The following VBP1 variants were observed in gnomAD, a reference collection of about 807,000 sequenced individuals.
The protein encoded by VBP1 is prefoldin subunit 3.
Under a neutral mutation model 15.5 loss-of-function variants are expected in VBP1, and 4 were observed. The ratio of observed to expected loss-of-function variants is 0.26; its 90% CI spans 0.13 to 0.59. The LOEUF is 0.59. Ranked by LOEUF, VBP1 falls within the 20% of genes least tolerant of loss-of-function variation. VBP1 has a pLI of 0.90. For missense variants in VBP1, 108 were observed against 139.6 expected, an observed-to-expected ratio of 0.77 and a Z score of 1.14; for synonymous variants, 61 against 52.1, an observed-to-expected ratio of 1.17 and a Z score of -0.74.
At chrX:155,221,298 C>T (rs2074688491) in intron 2 of VBP1, among the ~76,000 whole-genome samples, 1 of 110,843 alleles carries the variant, frequency 9.0e-6, no homozygotes, top group Admixed American at 9.6e-5. Flanking sequence ...TGCCACTGCA[C>T]TCCAGCCTGG....
intron 5 of VBP1, among the ~76,000 whole-genome samples, chrX:155,237,732 C>T (rs1264547039): frequency 8.9e-6 from 1 of 112,071 alleles, no homozygotes; most frequent in African/African-American, 3.2e-5. Context: ...ACCCTTTTAC[C>T]CTAAATATCT....
At chrX:155,223,881 C>A (rs2074704297) in intron 2 of VBP1, among the ~76,000 whole-genome samples, 1 of 110,356 alleles carries the variant, frequency 9.1e-6, no homozygotes, top group Non-Finnish European at 1.9e-5. Flanking sequence ...CCTCACTTCT[C>A]AGATGGGGCG....
intron 2 of VBP1, among the ~76,000 whole-genome samples, chrX:155,223,489 A>G (rs2074700814): frequency 1.8e-5 from 2 of 110,819 alleles, no homozygotes; most frequent in Admixed American, 1.9e-4. Flanking sequence ...GACACAGCAC[A>G]TGTTTCAGAG....
intron 2 of VBP1, among the ~76,000 whole-genome samples, chrX:155,222,167 G>T (rs1162418253): frequency 8.9e-6 from 1 of 112,773 alleles, no homozygotes; most frequent in East Asian, 2.8e-4. Context: ...ATCACCTACA[G>T]GGAGGTTACA....
Position 155,239,339 on chromosome X carries a change from C to T in VBP1, c.*497C>T, listed in dbSNP as rs1366769081. 4 of 112,229 alleles carry T rather than the reference C, an allele frequency of 3.6e-5. No homozygotes were observed. Among genetic ancestry groups the T allele is most frequent in the African/African-American group, 1.3e-4 (4 of 30,755 alleles). 9.2% of individuals were successfully genotyped at this position (112,229 alleles called of 1,213,427 possible). ...TGGAGTTTCATGACTTACTGCTTAA[C>T]GAATAACTAACTACTATGATATTCT... On this transcript the variant is annotated 3_prime_UTR_variant, in exon 6 of 6. Coordinates refer to ENST00000286428, the MANE Select transcript of VBP1 (RefSeq NM_003372.7).
chrX:155,216,298 C>A, upstream of VBP1: 2 of 964,329 alleles, frequency 2.1e-6, no homozygotes, highest in Non-Finnish European at 2.7e-6. Flanking sequence ...CTGAGCGCAG[C>A]CAATCAGCAC....
chrX:155,234,952 C>T (rs1322266697), intron 4 of VBP1, among the ~76,000 whole-genome samples: 1 of 112,067 alleles, frequency 8.9e-6, no homozygotes, highest in Non-Finnish European at 1.9e-5. Flanking sequence ...TGTTGTAAAG[C>T]ATCACTGTCA....
In VBP1 at chrX:155,231,937, A is replaced by G. The variant is rs2074749032; in HGVS notation, c.384+3455A>G. Reference sequence around the variant, plus strand: ...CTTGTATACAAAGGCATATTTTTGTATGCTGCTTTGAAATGGAATTGTTGT... The same window carrying G: ...CTTGTATACAAAGGCATATTTTTGTGTGCTGCTTTGAAATGGAATTGTTGT... On this transcript the variant is annotated intron_variant, in intron 4 of 5. Transcript: ENST00000286428. Among the ~76,000 whole-genome samples the G allele has an allele frequency of 4.5e-5, 5 of 111,912 alleles. No individual in the cohort carries two copies. In the South Asian group the frequency reaches 1.8e-3, roughly 41 times the overall value.
intron 2 of VBP1, among the ~76,000 whole-genome samples, chrX:155,223,352 G>A (rs1035338685): frequency 2.8e-5 from 3 of 108,192 alleles, no homozygotes; most frequent in East Asian, 2.9e-4. Flanking sequence ...GCCGCCTTCC[G>A]CAGTGTTTGT....
chrX:155,197,569 A>T (rs782134090), intron 1 of VBP1, among the ~76,000 whole-genome samples: 2 of 112,361 alleles, frequency 1.8e-5, no homozygotes, highest in African/African-American at 6.4e-5. Context: ...GAATGGTAAG[A>T]AAAAACGCTC....
At chrX:155,219,578 T>G (rs2074679295) in intron 1 of VBP1, among the ~76,000 whole-genome samples, 1 of 111,825 alleles carries the variant, frequency 8.9e-6, no homozygotes, top group Admixed American at 9.5e-5. Flanking sequence ...ATTGATAATC[T>G]TGACATGCAA....
chrX:155,197,186 T>C (rs1169779451), intron 1 of VBP1: 1 of 112,124 alleles, frequency 8.9e-6, no homozygotes, highest in East Asian at 2.8e-4. Flanking sequence ...TCTATTGTTA[T>C]TGTTTTGTTT....
chrX:155,237,951 A>G (rs1396601233), intron 5 of VBP1, among the ~76,000 whole-genome samples: 6 of 111,559 alleles, frequency 5.4e-5, no homozygotes, highest in Admixed American at 4.8e-4. Context: ...GGCCTAGTGC[A>G]GTGGTCATCA....
upstream of VBP1, among the ~76,000 whole-genome samples, chrX:155,214,747 GGTTT>G (rs1391285340): frequency 7.8e-5 from 1 of 12,886 alleles, no homozygotes; most frequent in Non-Finnish European, 7.2e-4. Context: ...GCAAGAGGAA[GGTTT>G]TTTTTTTTTT....
intron 1 of VBP1, among the ~76,000 whole-genome samples, chrX:155,201,368 A>G (rs1286709078): frequency 6.8e-5 from 7 of 102,814 alleles, no homozygotes; most frequent in Non-Finnish European, 1.4e-4. Context: ...TCAATAAAAT[A>G]CTGGCAAACC....
intron 2 of VBP1, among the ~76,000 whole-genome samples, chrX:155,223,205 T>A (rs1420538931): frequency 9.6e-6 from 1 of 104,435 alleles, no homozygotes; most frequent in African/African-American, 3.5e-5. Flanking sequence ...TTTCTTTTTT[T>A]AATTTTTTTA....
chrX:155,214,733 T>C (rs1372891920), upstream of VBP1, among the ~76,000 whole-genome samples: 2 of 102,902 alleles, frequency 1.9e-5, no homozygotes, highest in African/African-American at 6.8e-5. Flanking sequence ...TAGATTTGGA[T>C]CTGGCAAGAG....
At chrX:155,238,736 G>T (rs781936168) in intron 5 of VBP1, 36 bp from the exon 6 acceptor site, 3 of 1,117,322 alleles carry the variant, frequency 2.7e-6, no homozygotes, top group Non-Finnish European at 2.4e-6. Context: ...ATTATCTTTA[G>T]AATTGCATTT....
At chrX:155,199,590 A>C (rs2074593501) in intron 1 of VBP1, among the ~76,000 whole-genome samples, 3 of 111,457 alleles carry the variant, frequency 2.7e-5, no homozygotes, top group Non-Finnish European at 3.8e-5. Context: ...GCCTGCCCTA[A>C]AAGAGCTCCT....
Sources: allele counts gnomAD v4.1 joint callset (sites outside exome capture counted in the v4.1 genomes callset), GRCh38; gene constraint gnomAD v4.1.1; transcripts MANE v1.5; gene names NCBI Gene and HGNC (gene_info 2026-07-23, HGNC 2026-07-21).